Variants in ELFN1 observed in about 807,000 individuals in gnomAD.
ELFN1 encodes extracellular leucine rich repeat and fibronectin type III domain containing 1.
A neutral mutation model predicts 7.6 loss-of-function variants in ELFN1; 6 were observed. The ratio of observed to expected loss-of-function variants is 0.79; its 90% CI spans 0.43 to 1.56. The LOEUF is 1.56. ELFN1 is among the 40% of genes most tolerant of loss of function. The pLI is 0.01. For synonymous variants in ELFN1, 657 were observed against 588.1 expected (o/e 1.12, Z -1.70); for missense variants, 1,169 against 1,232.2 (o/e 0.95, Z 0.77).
rs1441422761 is a variant in ELFN1, at chr7:1,746,950, G to A, written c.2354G>A (p.Arg785Gln). 1.3e-6 allele frequency: 2 copies of A among 1,551,014 alleles called. No individual in the cohort carries two copies. Among genetic ancestry groups the A allele is most frequent in the South Asian group, 1.2e-5 (1 of 83,662 alleles). ...SIWERFRLSR[R>Q]RHKEEEEFMA... ...TGGGAGCGCTTCAGACTGAGCCGCC[G>A]GCGGCACAAGGAGGAAGAGGAGTTC... The change falls in exon 4 of 4, where the codon CGG becomes CAG. Residue 785 changes from arginine (R) to glutamine (Q), a missense_variant. Arg to Gln is a conservative substitution (Grantham distance 43, BLOSUM62 1). Coordinates refer to ENST00000424383, the MANE Select transcript of ELFN1 (RefSeq NM_001128636.4).
chr7:1,708,875 A>G (rs972910499), intron 2 of ELFN1, among the ~76,000 whole-genome samples: 4 of 151,944 alleles, frequency 2.6e-5, no homozygotes, highest in African/African-American at 9.7e-5. Context: ...TCTCCCCTCT[A>G]TCCCGGCTGG....
Position 1,683,642 on chromosome 7 carries a change from T to C in ELFN1, c.-548-4416T>C, listed in dbSNP as rs143292737. Among the ~76,000 whole-genome samples the C allele has an allele frequency of 1.9e-4, 29 of 152,364 alleles. No individual in the cohort carries two copies. In the East Asian group the frequency reaches 5.2e-3, roughly 27 times the overall value. On this transcript the variant is annotated intron_variant, in intron 1 of 3. Coordinates refer to ENST00000424383, the MANE Select transcript of ELFN1 (RefSeq NM_001128636.4). The stretch of plus-strand genomic sequence containing the variant: ...TCAGTTATTGAGAGGGAGTGGAGTA[T>C]TGAAATCCCCAACTATTTTTGTTGA...
chr7:1,701,536 G>A (rs1779428538), intron 2 of ELFN1, among the ~76,000 whole-genome samples: 1 of 152,214 alleles, frequency 6.6e-6, no homozygotes, highest in Non-Finnish European at 1.5e-5. Context: ...CTGGCTGGGT[G>A]CAGTGGCTCA....
At chr7:1,741,912 C>T (rs531432219) in intron 3 of ELFN1, among the ~76,000 whole-genome samples, 33 of 152,158 alleles carry the variant, frequency 2.2e-4, no homozygotes, top group Non-Finnish European at 3.5e-4. Flanking sequence ...GCATGGCCTG[C>T]GCACTCATGT....
intron 3 of ELFN1, among the ~76,000 whole-genome samples, chr7:1,717,343 C>T (rs1335980559): frequency 6.6e-6 from 1 of 152,204 alleles, no homozygotes; most frequent in Non-Finnish European, 1.5e-5. Context: ...CCTGGCCTGG[C>T]CGCTTGCAGC....
intron 2 of ELFN1, among the ~76,000 whole-genome samples, chr7:1,690,054 T>A (rs1050189452): frequency 2.6e-5 from 4 of 151,960 alleles, no homozygotes; most frequent in African/African-American, 9.7e-5. Context: ...GATGGAGGGG[T>A]GGATGAATGT....
rs369833277 is a variant in ELFN1 at position 1,695,072 on chromosome 7, AGACGGCTCCG to A, written c.-456+6925_-456+6934del. 3.7e-4 allele frequency among the ~76,000 whole-genome samples: 57 copies of A among 152,300 alleles called. 1 individual carries two copies. The highest frequency in any genetic ancestry group is 1.3e-3 in the African/African-American group (53 of 41,578). ...TCCCCCTCACTTTGAGTTACGCTGCAGACGGCTCCGGATGCACGTGGCTGTGCCAGGCAGC... is the reference window on the plus strand; with the variant it reads ...TCCCCCTCACTTTGAGTTACGCTGCAGATGCACGTGGCTGTGCCAGGCAGC... On this transcript the variant is annotated intron_variant, in intron 2 of 3. Coordinates refer to ENST00000424383, the MANE Select transcript of ELFN1 (RefSeq NM_001128636.4). The surrounding 1 kb of genome is among the most constrained non-coding windows in gnomAD (Gnocchi z 5.1).
intron 3 of ELFN1, among the ~76,000 whole-genome samples, chr7:1,729,081 C>T (rs1243755986): frequency 6.6e-6 from 1 of 152,212 alleles, no homozygotes; most frequent in Non-Finnish European, 1.5e-5. Flanking sequence ...CGCGGAGCTG[C>T]CACTGCCAGC....
At chr7:1,721,064 G>A (rs1004686787) in intron 3 of ELFN1, among the ~76,000 whole-genome samples, 2 of 152,218 alleles carry the variant, frequency 1.3e-5, no homozygotes, top group East Asian at 1.9e-4. Context: ...AAATAAACAC[G>A]TGTCAGCACT....
chr7:1,720,924 G>T (rs1037919175), intron 3 of ELFN1, among the ~76,000 whole-genome samples: 2 of 152,182 alleles, frequency 1.3e-5, no homozygotes, highest in African/African-American at 4.8e-5. Flanking sequence ...CCTGGGCCCA[G>T]GTCCCAGCTG....
chr7:1,676,741 G>A (rs982058068), intron 1 of ELFN1, among the ~76,000 whole-genome samples: 7 of 152,244 alleles, frequency 4.6e-5, no homozygotes, highest in Non-Finnish European at 1.0e-4. Context: ...GCTTCGTGTG[G>A]GTGAAGGGCA....
rs1780829429 is a variant in ELFN1, at chr7:1,747,220, G to A, written c.*137G>A. The A allele has an allele frequency of 7.7e-6, 8 of 1,041,950 alleles. No homozygotes were observed. Among genetic ancestry groups the A allele is most frequent in the South Asian group, 6.1e-5 (3 of 48,798 alleles). The allele number at this position is 1,041,950 out of a possible 1,614,324, so 64.5% of individuals were successfully genotyped here. ...GGCCCTGCAGAGGCGAGGGGGGAGC[G>A]AGTGGGGACAGACAAGGGGGACACG... On this transcript the variant is annotated 3_prime_UTR_variant, in exon 4 of 4. Transcript: ENST00000424383.
upstream of ELFN1, among the ~76,000 whole-genome samples, chr7:1,666,985 G>T (rs1333438801): frequency 6.6e-6 from 1 of 151,992 alleles, no homozygotes; most frequent in South Asian, 2.1e-4. This position sits in a 1 kb window ranked among gnomAD's most constrained non-coding sequence, Gnocchi z 7.9. Context: ...GCGCGGCGGG[G>T]CTGGGCTGGG....
intron 1 of ELFN1, among the ~76,000 whole-genome samples, chr7:1,683,291 A>T (rs886220506): frequency 6.6e-6 from 1 of 152,040 alleles, no homozygotes; most frequent in African/African-American, 2.4e-5. Context: ...ATTTCAAATT[A>T]ATCAGTTTGT....
chr7:1,732,931 C>T (rs1418051949), intron 3 of ELFN1, among the ~76,000 whole-genome samples: 1 of 152,116 alleles, frequency 6.6e-6, no homozygotes, highest in South Asian at 2.1e-4. Context: ...GACAGAATCT[C>T]ACTCTGTCAC....
At chr7:1,691,712 G>A (rs1184198179) in intron 2 of ELFN1, among the ~76,000 whole-genome samples, 5 of 152,182 alleles carry the variant, frequency 3.3e-5, no homozygotes, top group Admixed American at 6.5e-5. Context: ...AGCCGAGGGC[G>A]TCGTGGAGAT....
intron 1 of ELFN1, among the ~76,000 whole-genome samples, chr7:1,687,548 G>C (rs1002011903): frequency 2.0e-5 from 3 of 151,928 alleles, no homozygotes; most frequent in Non-Finnish European, 4.4e-5. Flanking sequence ...GGACTGTACA[G>C]TTGTCTCAAA....
chr7:1,712,954 A>G (rs1245437135), intron 3 of ELFN1, among the ~76,000 whole-genome samples: 1 of 152,078 alleles, frequency 6.6e-6, no homozygotes, highest in Non-Finnish European at 1.5e-5. Context: ...CATCAAGTAG[A>G]TACTCATTCG....
At chr7:1,714,652 G>A (rs986092124) in intron 3 of ELFN1, among the ~76,000 whole-genome samples, 1 of 152,216 alleles carries the variant, frequency 6.6e-6, no homozygotes, top group Non-Finnish European at 1.5e-5. Flanking sequence ...ATTAAAAAGG[G>A]AGAGCAGTAA....
Sources: gnomAD v4.1 joint callset for allele counts (sites outside exome capture counted in the v4.1 genomes callset) on GRCh38, gnomAD v4.1.1 for gene constraint, Gnocchi (gnomAD v3.1) non-coding constraint, MANE v1.5 for transcripts, NCBI Gene and HGNC (gene_info 2026-07-23, HGNC 2026-07-21) for gene names.